Variants in ERH observed in about 807,000 individuals in gnomAD.
ERH encodes the protein ERH mRNA splicing and mitosis factor.
ERH carries 1 observed loss-of-function variant against 16.8 expected under a neutral mutation model. The ratio of observed to expected loss-of-function variants is 0.06; its 90% CI spans 0.02 to 0.28. The LOEUF is 0.28. ERH is among the 10% of genes least tolerant of loss of function. The pLI is 1.00. For synonymous variants in ERH, 43 were observed against 43.6 expected (o/e 0.99, Z 0.05); for missense variants, 42 against 127.5 (o/e 0.33, Z 3.23).
chr14:69,392,969 G>A (rs368255157), intron 2 of ERH, among the ~76,000 whole-genome samples: 1 of 152,308 alleles, frequency 6.6e-6, no homozygotes, highest in African/African-American at 2.4e-5. Context: ...AATGTCAGCA[G>A]AGAAATGGAT....
chr14:69,397,088 G>C (rs1465604471), intron 1 of ERH, among the ~76,000 whole-genome samples: 2 of 152,174 alleles, frequency 1.3e-5, no homozygotes, highest in East Asian at 3.8e-4. Flanking sequence ...TTTATATCTA[G>C]TCTTAAAATG....
chr14:69,393,278 T>G lies in ERH; in HGVS notation c.91+1547A>C, dbSNP rs1187883901. Among the ~76,000 whole-genome samples the G allele has an allele frequency of 2.0e-5, 3 of 152,178 alleles. No homozygotes were observed. In the East Asian group the frequency reaches 5.8e-4, roughly 29 times the overall value. ...GTTGCAGTGAGCTGAGATGCACCAC[T>G]GCACTCCAGCCTGGGCGACAGAGTG... On this transcript the variant is annotated intron_variant, in intron 2 of 3. Transcript: ENST00000557016.
intron 2 of ERH, among the ~76,000 whole-genome samples, chr14:69,388,041 T>A (rs2045902884): frequency 6.6e-6 from 1 of 152,030 alleles, no homozygotes; most frequent in Admixed American, 6.5e-5. Flanking sequence ...CAAGACTCTG[T>A]CTCAAACAAA....
intron 3 of ERH, among the ~76,000 whole-genome samples, chr14:69,385,862 T>C (rs1363492672): frequency 6.6e-6 from 1 of 152,156 alleles, no homozygotes; most frequent in African/African-American, 2.4e-5. Context: ...GACACACTTC[T>C]GCATTTGGCT....
At chr14:69,386,373 C>T (rs1286185461) in intron 3 of ERH, among the ~76,000 whole-genome samples, 1 of 152,166 alleles carries the variant, frequency 6.6e-6, no homozygotes, top group Non-Finnish European at 1.5e-5. Flanking sequence ...CTTCCATTTT[C>T]CTCGGTTAAA....
chr14:69,392,275 ATTATT>A (rs58790375), intron 2 of ERH, among the ~76,000 whole-genome samples: 4,672 of 152,208 alleles, frequency 0.031, 248 homozygotes, highest in African/African-American at 0.11. Context: ...TTATTTAATA[ATTATT>A]TTAACATTTT....
At chr14:69,389,280 G>A (rs981588855) in intron 2 of ERH, among the ~76,000 whole-genome samples, 12 of 152,166 alleles carry the variant, frequency 7.9e-5, no homozygotes, top group African/African-American at 2.9e-4. Context: ...ACCCGCGTCG[G>A]CCTCCCAAAG....
chr14:69,396,038 A>G (rs946200471), intron 1 of ERH, among the ~76,000 whole-genome samples: 1 of 152,212 alleles, frequency 6.6e-6, no homozygotes, highest in African/African-American at 2.4e-5. Flanking sequence ...GGGAGCAAAA[A>G]ATCTCATCCA....
intron 1 of ERH, among the ~76,000 whole-genome samples, chr14:69,395,846 T>C (rs1434078152): frequency 2.0e-5 from 3 of 151,542 alleles, no homozygotes; most frequent in Non-Finnish European, 4.4e-5. Context: ...GAAAGTTAGG[T>C]CATCACACTA....
intron 3 of ERH, among the ~76,000 whole-genome samples, chr14:69,385,547 C>T (rs957858671): frequency 1.3e-5 from 2 of 151,114 alleles, no homozygotes; most frequent in African/African-American, 4.9e-5. Flanking sequence ...CATCAGCCTG[C>T]AAACTTACCA....
chr14:69,383,314 T>G (rs1029301360), intron 3 of ERH, among the ~76,000 whole-genome samples: 63 of 152,334 alleles, frequency 4.1e-4, no homozygotes, highest in African/African-American at 1.4e-3. Flanking sequence ...CATTTCCACC[T>G]ACGCTGTTTA....
intron 2 of ERH, among the ~76,000 whole-genome samples, chr14:69,388,309 T>C (rs1317308534): frequency 1.3e-5 from 2 of 152,160 alleles, no homozygotes; most frequent in Non-Finnish European, 2.9e-5. Flanking sequence ...CATTACTAAT[T>C]ATAATTAGCT....
intron 2 of ERH, among the ~76,000 whole-genome samples, chr14:69,387,316 G>A (rs2045898437): frequency 6.7e-6 from 1 of 148,680 alleles, no homozygotes; most frequent in South Asian, 2.1e-4. Context: ...CAGCTCTTTG[G>A]GAGGCTGAGG....
chr14:69,381,817 T>C (rs896781495), intron 3 of ERH, among the ~76,000 whole-genome samples: 7 of 152,106 alleles, frequency 4.6e-5, no homozygotes, highest in Middle Eastern at 3.2e-3. Flanking sequence ...GCCTCCTGAG[T>C]AGGTAAGACT....
At chr14:69,390,703 C>A (rs1566900701) in intron 2 of ERH, among the ~76,000 whole-genome samples, 1 of 152,092 alleles carries the variant, frequency 6.6e-6, no homozygotes, top group African/African-American at 2.4e-5. Context: ...TTTTGTGCTC[C>A]AAAAGACACT....
intron 1 of ERH, among the ~76,000 whole-genome samples, chr14:69,397,234 C>A (rs1882364551): frequency 6.6e-6 from 1 of 152,150 alleles, no homozygotes; most frequent in African/African-American, 2.4e-5. Flanking sequence ...TGCTTTCCTG[C>A]TCAAATTCTT....
chr14:69,385,674 T>G (rs1594886862), intron 3 of ERH, among the ~76,000 whole-genome samples: 2 of 148,020 alleles, frequency 1.4e-5, no homozygotes, highest in Admixed American at 1.3e-4. Flanking sequence ...AAAGCAAGCC[T>G]GTAATGGCCA....
rs200180478 is a variant in ERH at position 69,383,986 on chromosome 14, AT to A, written c.212+2976del. ...AATATAGCAAGACCCTGTCTCTAAA[AT>A]TTTTTTTTTATAAAGTCTAGTACAA... On this transcript the variant is annotated intron_variant, in intron 3 of 3. Coordinates refer to ENST00000557016, the MANE Select transcript of ERH (RefSeq NM_004450.3). Among the ~76,000 whole-genome samples the A allele has an allele frequency of 3.3e-3, 490 of 150,468 alleles. 4 individuals carry two copies. The highest frequency in any genetic ancestry group is 0.011 in the African/African-American group (468 of 41,124).
chr14:69,390,431 G>C (rs1294910601), intron 2 of ERH, among the ~76,000 whole-genome samples: 1 of 152,120 alleles, frequency 6.6e-6, no homozygotes, highest in African/African-American at 2.4e-5. Flanking sequence ...ACTGCTTTTT[G>C]ACAAGCATGC....
Sources: allele counts gnomAD v4.1 joint callset (sites outside exome capture counted in the v4.1 genomes callset), GRCh38; gene constraint gnomAD v4.1.1; transcripts MANE v1.5; gene names NCBI Gene and HGNC (gene_info 2026-07-23, HGNC 2026-07-21).